SMIM43: variants seen among roughly 807,000 people sequenced by gnomAD.
The protein encoded by SMIM43 is Nodal Enhanced MEsendoderm Peptide.
Position 121,761,876 on chromosome 4 carries a change from G to A in SMIM43, c.*295C>T, listed in dbSNP as rs1364672935. The A allele has an allele frequency of 6.2e-7, 1 of 1,610,006 alleles. No homozygotes were observed. Among genetic ancestry groups the A allele is most frequent in the Non-Finnish European group, 8.5e-7 (1 of 1,178,892 alleles). ...AGCCAAGATTGTCCTGATAAGATCT[G>A]AAGCCATTTTGAACACCTGAAATTT... On this transcript the variant is annotated 3_prime_UTR_variant, in exon 4 of 6. Transcript: ENST00000643802.
In SMIM43 at chr4:121,760,209, G is replaced by T; in HGVS notation, c.*765C>A. On this transcript the variant is annotated 3_prime_UTR_variant, in exon 6 of 6. Coordinates refer to ENST00000643802, the MANE Select transcript of SMIM43 (RefSeq NM_001384332.1). The stretch of plus-strand genomic sequence containing the variant: ...CATAAAATGTTAGTTGTCCTCCCAA[G>T]ATCCACCATCATCTTCTTCTTCATC... 6.6e-7 allele frequency: 1 copy of T among 1,523,140 alleles called. No homozygotes were observed. The highest frequency in any genetic ancestry group is 2.2e-5 in the Admixed American group (1 of 45,610). 94.4% of individuals were successfully genotyped at this position (1,523,140 alleles called of 1,614,324 possible). A position where few individuals can be genotyped will look rare whatever the true frequency, so the allele number is the denominator to read the frequency against.
chr4:121,765,165 G>A, upstream of SMIM43: 1 of 392,372 alleles, frequency 2.5e-6, no homozygotes, highest in East Asian at 3.6e-5. Flanking sequence ...GCTGGAGGGC[G>A]AGCGCGCCGC....
rs745814767 is a variant in SMIM43, at chr4:121,760,332, T to C, written c.*642A>G. ...CAGATAGCAGTAGCCAATGACACAG[T>C]TCTGGCCAATGAGATGAAGGCAAAA... On this transcript the variant is annotated 3_prime_UTR_variant, in exon 6 of 6. Coordinates refer to ENST00000643802, the MANE Select transcript of SMIM43 (RefSeq NM_001384332.1). 22 of 1,613,868 alleles carry C rather than the reference T, an allele frequency of 1.4e-5. 1 individual carries two copies. In the Admixed American group the frequency reaches 2.8e-4, roughly 21 times the overall value.
In SMIM43 at chr4:121,760,425, G is replaced by A; in HGVS notation, c.*549C>T. The A allele has an allele frequency of 6.4e-7, 1 of 1,561,382 alleles. No homozygotes were observed. The highest frequency in any genetic ancestry group is 1.4e-5 in the African/African-American group (1 of 73,444). On this transcript the variant is annotated 3_prime_UTR_variant, in exon 6 of 6. Transcript: ENST00000643802. The stretch of plus-strand genomic sequence containing the variant: ...TGAACTGGCATGCCCCGTTTTCTCT[G>A]TGGGCTTCCTCCTTCTTCTTGTGGG...
rs748313014 is a variant in SMIM43, at chr4:121,760,353, C to T, written c.*621G>A. ...ACAGTTCTGGCCAATGAGATGAAGG[C>T]AAAAGTTATTGGGCTGCTGAGGAAG... On this transcript the variant is annotated 3_prime_UTR_variant, in exon 6 of 6. Coordinates refer to ENST00000643802, the MANE Select transcript of SMIM43 (RefSeq NM_001384332.1). 3 of 1,613,648 alleles carry T rather than the reference C, an allele frequency of 1.9e-6. No homozygotes were observed. Among genetic ancestry groups the T allele is most frequent in the East Asian group, 2.2e-5 (1 of 44,868 alleles).
chr4:121,761,244 A>G (rs1187735402), intron 5 of SMIM43, among the ~76,000 whole-genome samples: 1 of 152,228 alleles, frequency 6.6e-6, no homozygotes, highest in Admixed American at 6.5e-5. Context: ...ATTTAGCTTA[A>G]ATATGCACGA....
intron 3 of SMIM43, among the ~76,000 whole-genome samples, chr4:121,762,127 A>C (rs1197640913): frequency 1.3e-5 from 2 of 152,200 alleles, no homozygotes; most frequent in African/African-American, 4.8e-5. Context: ...CAAGTGCTTT[A>C]ATGTCTAGCT....
rs1725931877 is a variant in SMIM43 at position 121,759,381 on chromosome 4, T to C, written c.*1593A>G. ...ATGACTGACCCACACCTCTCCCAGC[T>C]GGTTCTACAACACAAGAAAGAGAAT... On this transcript the variant is annotated 3_prime_UTR_variant, in exon 6 of 6. Coordinates refer to ENST00000643802, the MANE Select transcript of SMIM43 (RefSeq NM_001384332.1). 6.6e-6 allele frequency: 1 copy of C among 152,260 alleles called. No homozygotes were observed. The highest frequency in any genetic ancestry group is 1.5e-5 in the Non-Finnish European group (1 of 68,052). The allele number at this position is 152,260 out of a possible 1,614,324, so 9.4% of individuals were successfully genotyped here. A position where few individuals can be genotyped will look rare whatever the true frequency, so the allele number is the denominator to read the frequency against.
At chr4:121,761,514 G>A (rs776306247) in intron 5 of SMIM43, 24 bp downstream of exon 5, 2 of 1,553,382 alleles carry the variant, frequency 1.3e-6, no homozygotes, top group Admixed American at 4.1e-5. Flanking sequence ...ACTAAAAATA[G>A]AGTATTTCAT....
rs1726261848 is a variant in SMIM43, at chr4:121,764,779, C to G, written c.*97+38G>C. On this transcript the variant is annotated intron_variant, in intron 1 of 5. Transcript: ENST00000643802. ...CGGAGACGCGGGTCCCTGCGCCTCA[C>G]GCCGGAACGGACCCGTCAGAGCCGC... 8 of 395,094 alleles carry G rather than the reference C, an allele frequency of 2.0e-5. 1 individual carries two copies. In the East Asian group the frequency reaches 2.9e-4, roughly 14 times the overall value. 24.5% of individuals were successfully genotyped at this position (395,094 alleles called of 1,614,324 possible).
rs1225891399 is a variant in SMIM43 at position 121,759,116 on chromosome 4, T to TA, written c.*1857dup. On this transcript the variant is annotated 3_prime_UTR_variant, in exon 6 of 6. Coordinates refer to ENST00000643802, the MANE Select transcript of SMIM43 (RefSeq NM_001384332.1). ...CTGAGTCACTCTGACTAGGAACACA[T>TA]AATAGTCACTAGGAAGGTGAAGTGG... 6.6e-6 allele frequency: 1 copy of TA among 152,182 alleles called. No individual in the cohort carries two copies. The highest frequency in any genetic ancestry group is 2.4e-5 in the African/African-American group (1 of 41,460). 9.4% of individuals were successfully genotyped at this position (152,182 alleles called of 1,614,324 possible).
Position 121,760,172 on chromosome 4 carries a change from C to T in SMIM43, c.*802G>A, listed in dbSNP as rs2110520540. 3 of 1,442,280 alleles carry T rather than the reference C, an allele frequency of 2.1e-6. No homozygotes were observed. The South Asian group carries it at 4.3e-5, about 20-fold the overall frequency. The allele number at this position is 1,442,280 out of a possible 1,614,324, so 89.3% of individuals were successfully genotyped here. On this transcript the variant is annotated 3_prime_UTR_variant, in exon 6 of 6. Coordinates refer to ENST00000643802, the MANE Select transcript of SMIM43 (RefSeq NM_001384332.1). Reference sequence around the variant, plus strand: ...CTTTATGCTCCTCTGCAACTGTATTCTGTAGCCAGGGCATAAAATGTTAGT... The same window carrying T: ...CTTTATGCTCCTCTGCAACTGTATTTTGTAGCCAGGGCATAAAATGTTAGT...
chr4:121,760,278 A>G lies in SMIM43; in HGVS notation c.*696T>C. 1 of 1,590,022 alleles carries G rather than the reference A, an allele frequency of 6.3e-7. No homozygotes were observed. Among genetic ancestry groups the G allele is most frequent in the Non-Finnish European group, 8.5e-7 (1 of 1,170,600 alleles). On this transcript the variant is annotated 3_prime_UTR_variant, in exon 6 of 6. Transcript: ENST00000643802. ...GTCAAAGGCAGTTATATATCCAGCT[A>G]CAAAAACTACATTTCTCAGACAATC...
rs899400068 is a variant in SMIM43 at position 121,765,120 on chromosome 4, C to T, written c.-15G>A. The T allele has an allele frequency of 2.3e-5, 9 of 396,708 alleles. No individual in the cohort carries two copies. Among genetic ancestry groups the T allele is most frequent in the Non-Finnish European group, 4.0e-5 (9 of 224,708 alleles). 24.6% of individuals were successfully genotyped at this position (396,708 alleles called of 1,614,324 possible). Reference sequence around the variant, plus strand: ...TCCCACTCCATGCTGGAGGCGCCGGCGCTCGCTGGCCCTGCGCGCTCGGCG... The same window carrying T: ...TCCCACTCCATGCTGGAGGCGCCGGTGCTCGCTGGCCCTGCGCGCTCGGCG... On this transcript the variant is annotated 5_prime_UTR_variant, in exon 1 of 6. Transcript: ENST00000643802.
intron 3 of SMIM43, 34 bp from the exon 4 acceptor site, chr4:121,761,926 T>C: frequency 6.6e-7 from 1 of 1,525,350 alleles, no homozygotes; most frequent in Admixed American, 1.8e-5. Context: ...AATAATAACA[T>C]TTGAAATAAA....
intron 5 of SMIM43, among the ~76,000 whole-genome samples, chr4:121,760,827 G>A (rs1307419667): frequency 6.6e-6 from 1 of 152,112 alleles, no homozygotes; most frequent in African/African-American, 2.4e-5. Flanking sequence ...ATGTCCTTCA[G>A]GATCTGTCTA....
chr4:121,763,069 G>A (rs1307240200), intron 2 of SMIM43, among the ~76,000 whole-genome samples: 4 of 152,116 alleles, frequency 2.6e-5, no homozygotes, highest in African/African-American at 7.2e-5. Context: ...GTTCAAACTG[G>A]GAATTCAAAT....
In SMIM43 at chr4:121,758,978, A is replaced by G. The variant is rs1331509919; in HGVS notation, c.*1996T>C. ...TTTATTTCATAGCCTTTTAAAAAAT[A>G]TAAGCCACCTAATATTTTGAAAAAC... On this transcript the variant is annotated 3_prime_UTR_variant, in exon 6 of 6. Transcript: ENST00000643802. 2 of 151,484 alleles carry G rather than the reference A, an allele frequency of 1.3e-5. No individual in the cohort carries two copies. Among genetic ancestry groups the G allele is most frequent in the Non-Finnish European group, 3.0e-5 (2 of 67,582 alleles). The allele number at this position is 151,484 out of a possible 1,614,324, so 9.4% of individuals were successfully genotyped here. A position where few individuals can be genotyped will look rare whatever the true frequency, so the allele number is the denominator to read the frequency against.
In SMIM43 at chr4:121,761,859, T is replaced by C; in HGVS notation, c.*312A>G. 6.2e-7 allele frequency: 1 copy of C among 1,613,000 alleles called. No homozygotes were observed. Among genetic ancestry groups the C allele is most frequent in the Non-Finnish European group, 8.5e-7 (1 of 1,179,696 alleles). On this transcript the variant is annotated 3_prime_UTR_variant, in exon 4 of 6. Coordinates refer to ENST00000643802, the MANE Select transcript of SMIM43 (RefSeq NM_001384332.1). ...TTGGAAATTAGTGCAACAGCCAAGA[T>C]TGTCCTGATAAGATCTGAAGCCATT...
Sources: gnomAD v4.1 joint callset for allele counts (sites outside exome capture counted in the v4.1 genomes callset) on GRCh38, gnomAD v4.1.1 for gene constraint, MANE v1.5 for transcripts, NCBI Gene and HGNC (gene_info 2026-07-23, HGNC 2026-07-21) for gene names.